TRERF1: variants seen among roughly 807,000 people sequenced by gnomAD.
The protein encoded by TRERF1 is transcriptional-regulating factor 1.
TRERF1 carries 27 observed loss-of-function variants against 122.9 expected under a neutral mutation model. The ratio of observed to expected loss-of-function variants is 0.22; its 90% CI spans 0.16 to 0.30. The LOEUF (loss-of-function observed/expected upper bound fraction) is 0.30. Among genes scored for constraint, TRERF1 ranks in the 10% least tolerant of loss-of-function variants. TRERF1 has a pLI of 1.00. For missense variants in TRERF1, 1,248 were observed against 1,560.3 expected, an observed-to-expected ratio of 0.80 and a Z score of 3.37; for synonymous variants, 636 against 641.7, an observed-to-expected ratio of 0.99 and a Z score of 0.13.
At chr6:42,396,950 C>A (rs1778696141) in intron 2 of TRERF1, among the ~76,000 whole-genome samples, 1 of 152,192 alleles carries the variant, frequency 6.6e-6, no homozygotes, top group Non-Finnish European at 1.5e-5. Context: ...CACCCACAAA[C>A]CCCCTTGGGC....
chr6:42,359,696 C>T (rs191675824), intron 3 of TRERF1, among the ~76,000 whole-genome samples: 31 of 152,290 alleles, frequency 2.0e-4, no homozygotes, highest in African/African-American at 6.7e-4. Flanking sequence ...AACACTCTAG[C>T]CTGGTGACAG....
chr6:42,293,772 A>T (rs1029475417), intron 4 of TRERF1, among the ~76,000 whole-genome samples: 3 of 120,708 alleles, frequency 2.5e-5, no homozygotes, highest in African/African-American at 6.4e-5. Context: ...TGTATTCAGG[A>T]AATGCAAACC....
At chr6:42,446,203 C>T (rs1268710788) in intron 2 of TRERF1, among the ~76,000 whole-genome samples, 1 of 152,196 alleles carries the variant, frequency 6.6e-6, no homozygotes, top group Non-Finnish European at 1.5e-5. Context: ...TGTGAGCCAC[C>T]GTGCCCAGTC....
intron 2 of TRERF1, among the ~76,000 whole-genome samples, chr6:42,449,812 A>C (rs1010733051): frequency 6.6e-6 from 1 of 152,238 alleles, no homozygotes; most frequent in Non-Finnish European, 1.5e-5. Flanking sequence ...ACAGTTAGGA[A>C]AGAAAAAAAG....
intron 3 of TRERF1, among the ~76,000 whole-genome samples, chr6:42,312,384 G>A (rs1480554652): frequency 6.6e-6 from 1 of 152,178 alleles, no homozygotes; most frequent in Non-Finnish European, 1.5e-5. Context: ...TCAGAAGCGG[G>A]GAGCCCCTAC....
intron 6 of TRERF1, among the ~76,000 whole-genome samples, chr6:42,265,101 T>C (rs1778916962): frequency 6.6e-6 from 1 of 152,198 alleles, no homozygotes; most frequent in South Asian, 2.1e-4. Flanking sequence ...AAAATGTCCT[T>C]CTTCATACCA....
intron 2 of TRERF1, among the ~76,000 whole-genome samples, chr6:42,408,539 C>T (rs1363426619): frequency 1.3e-5 from 2 of 151,158 alleles, no homozygotes; most frequent in African/African-American, 2.4e-5. Flanking sequence ...CCAACACACC[C>T]GGCTAATTTT....
intron 13 of TRERF1, among the ~76,000 whole-genome samples, chr6:42,248,591 A>T (rs988732423): frequency 6.6e-6 from 1 of 152,118 alleles, no homozygotes; most frequent in Non-Finnish European, 1.5e-5. Context: ...ACCTGAAGTG[A>T]TCCGCTTGCC....
chr6:42,371,469 G>A (rs1773745341), intron 2 of TRERF1, among the ~76,000 whole-genome samples: 1 of 152,184 alleles, frequency 6.6e-6, no homozygotes, highest in Admixed American at 6.5e-5. Flanking sequence ...GCCCCACACA[G>A]GAGGCAGACT....
In TRERF1 at chr6:42,263,681, G is replaced by A. The variant is rs3800289; in HGVS notation, c.1636-113C>T. 37,821 of 1,300,880 alleles carry A rather than the reference G, an allele frequency of 0.029. 656 individuals carry two copies. The highest frequency in any genetic ancestry group is 0.074 in the African/African-American group (4,896 of 66,590). The allele number at this position is 1,300,880 out of a possible 1,614,324, so 80.6% of individuals were successfully genotyped here. On this transcript the variant is annotated intron_variant, in intron 7 of 17. Coordinates refer to ENST00000372922, the Ensembl canonical transcript of TRERF1. This position sits in a 1 kb window ranked among gnomAD's most constrained non-coding sequence, Gnocchi z 5.6. ...CATCAGGTATGGGTGATAGAGAACC[G>A]CTGCAGGGCGATTTCCTTCCTGCAA...
intron 4 of TRERF1, among the ~76,000 whole-genome samples, chr6:42,279,782 C>T (rs1265355771): frequency 2.0e-5 from 3 of 152,058 alleles, no homozygotes; most frequent in Non-Finnish European, 4.4e-5. Flanking sequence ...GCTATACTCC[C>T]GAGCAGATCA....
chr6:42,243,112 G>T, intron 15 of TRERF1, 136 bp downstream of exon 15: 1 of 711,392 alleles, frequency 1.4e-6, no homozygotes, highest in South Asian at 1.7e-5. Context: ...GAATCCTGCA[G>T]GAGAGCTGGG....
intron 2 of TRERF1, among the ~76,000 whole-genome samples, chr6:42,367,956 A>G (rs769755211): frequency 2.0e-5 from 3 of 152,024 alleles, no homozygotes; most frequent in Non-Finnish European, 4.4e-5. Context: ...CTCAGCTGCC[A>G]TCTCCTTCCA....
intron 4 of TRERF1, among the ~76,000 whole-genome samples, chr6:42,296,882 C>A (rs1343065703): frequency 2.0e-5 from 3 of 152,314 alleles, no homozygotes; most frequent in African/African-American, 7.2e-5. Context: ...CTGCTGGTGA[C>A]TGCCAGACAA....
In TRERF1 at chr6:42,259,427, G is replaced by C; in HGVS notation, c.2181C>G (p.Val727=). 6.3e-7 allele frequency: 1 copy of C among 1,586,708 alleles called. No individual in the cohort carries two copies. The highest frequency in any genetic ancestry group is 8.5e-7 in the Non-Finnish European group (1 of 1,172,212). ...CGCCAGGGCCGTGGCCGGAGATGAG[G>C]ACATTGCTGAAGAGCCCCGAGCCCT... is the stretch of plus-strand genomic sequence containing the variant. Residue 727 remains valine, a synonymous_variant, in exon 9 of 18, where the codon GTC becomes GTG. Coordinates refer to ENST00000372922, the Ensembl canonical transcript of TRERF1. This position sits in a 1 kb window ranked among gnomAD's most constrained non-coding sequence, Gnocchi z 4.9.
intron 15 of TRERF1, among the ~76,000 whole-genome samples, chr6:42,238,139 C>T (rs182830600): frequency 6.6e-6 from 1 of 152,304 alleles, no homozygotes; most frequent in Non-Finnish European, 1.5e-5. Flanking sequence ...TCAGGTAAAA[C>T]CATGTTATGT....
intron 4 of TRERF1, among the ~76,000 whole-genome samples, chr6:42,284,622 A>G (rs1365733277): frequency 6.6e-6 from 1 of 152,228 alleles, no homozygotes; most frequent in African/African-American, 2.4e-5. Context: ...GACAACTGGC[A>G]TAAGCAGGTT....
intron 3 of TRERF1, among the ~76,000 whole-genome samples, chr6:42,313,466 A>G (rs1762005629): frequency 6.6e-6 from 1 of 152,094 alleles, no homozygotes; most frequent in Admixed American, 6.6e-5. Context: ...GCGATTACAT[A>G]AGCTGGAAAA....
At chr6:42,246,697 T>C (rs780811993) in intron 13 of TRERF1, among the ~76,000 whole-genome samples, 153 bp from the exon 14 acceptor site, 4 of 152,186 alleles carry the variant, frequency 2.6e-5, no homozygotes, top group Non-Finnish European at 1.5e-5. Context: ...TGTGATATAA[T>C]GGTTAGGAGC....
Sources: allele counts gnomAD v4.1 joint callset (sites outside exome capture counted in the v4.1 genomes callset), GRCh38; gene constraint gnomAD v4.1.1; non-coding constraint Gnocchi (gnomAD v3.1); transcripts MANE v1.5; gene names NCBI Gene and HGNC (gene_info 2026-07-23, HGNC 2026-07-21).